Variants in NLGN1 observed in about 807,000 individuals in gnomAD.
The protein encoded by NLGN1 is neuroligin-1.
A neutral mutation model predicts 65.5 loss-of-function variants in NLGN1; 12 were observed. The observed-to-expected ratio is 0.18, with a 90% confidence interval of 0.12 to 0.30. The LOEUF is 0.30. NLGN1 is among the 10% of genes least tolerant of loss of function. The pLI is 1.00. For synonymous variants in NLGN1, 350 were observed against 359.5 expected, an observed-to-expected ratio of 0.97 and a Z score of 0.30; for missense variants, 750 against 1,007.1, an observed-to-expected ratio of 0.74 and a Z score of 3.46.
chr3:174,167,396 A>AG (rs1281521041), intron 4 of NLGN1, among the ~76,000 whole-genome samples: 3 of 152,116 alleles, frequency 2.0e-5, no homozygotes, highest in African/African-American at 7.2e-5. Flanking sequence ...AGTGGCAACA[A>AG]ATTCCCTTAG....
intron 1 of NLGN1, among the ~76,000 whole-genome samples, chr3:173,403,380 T>A (rs763442827): frequency 2.6e-5 from 4 of 152,164 alleles, no homozygotes; most frequent in Non-Finnish European, 4.4e-5. Context: ...CTCATCTATG[T>A]TTGTCATATG....
Position 174,082,532 on chromosome 3 carries a change from T to C in NLGN1, c.647-192783T>C, listed in dbSNP as rs1392730209. Reference sequence around the variant, plus strand: ...AATAATGGTAAAAAAGACTACATAATAGAGTTTAAGATATAATAGTAAATA... The same window carrying C: ...AATAATGGTAAAAAAGACTACATAACAGAGTTTAAGATATAATAGTAAATA... On this transcript the variant is annotated intron_variant, in intron 4 of 6. Coordinates refer to ENST00000457714, the Ensembl canonical transcript of NLGN1. Among the ~76,000 whole-genome samples, 3 of 151,762 alleles carry C rather than the reference T, an allele frequency of 2.0e-5. No individual in the cohort carries two copies. The East Asian group carries it at 5.8e-4, about 30-fold the overall frequency.
chr3:173,814,389 T>C (rs1718606860), intron 4 of NLGN1, among the ~76,000 whole-genome samples: 2 of 152,208 alleles, frequency 1.3e-5, no homozygotes, highest in South Asian at 4.1e-4. Context: ...TTAGATTGAG[T>C]ACTAAAATGA....
At chr3:174,159,117 G>A (rs1726023852) in intron 4 of NLGN1, among the ~76,000 whole-genome samples, 1 of 151,680 alleles carries the variant, frequency 6.6e-6, no homozygotes, top group Admixed American at 6.6e-5. Context: ...ACCCTCGGTA[G>A]TATTGCATCT....
intron 4 of NLGN1, among the ~76,000 whole-genome samples, chr3:173,992,212 A>G (rs975630793): frequency 5.9e-5 from 9 of 152,210 alleles, no homozygotes; most frequent in African/African-American, 2.2e-4. Flanking sequence ...TAATATATGT[A>G]TATTATTCAT....
chr3:173,770,494 CCT>C (rs1779417226), intron 3 of NLGN1, among the ~76,000 whole-genome samples: 1 of 151,988 alleles, frequency 6.6e-6, no homozygotes, highest in Non-Finnish European at 1.5e-5. Context: ...GTTGCTACCC[CCT>C]GATATTTTGC....
chr3:173,747,801 C>CTTCTTTTTTTT (rs1775714048), intron 3 of NLGN1, among the ~76,000 whole-genome samples: 3 of 64,422 alleles, frequency 4.7e-5, no homozygotes, highest in African/African-American at 1.9e-4. Flanking sequence ...TCTTCTTGTT[C>CTTCTTTTTTTT]TTTTTTTTTT....
chr3:173,629,560 T>C (rs1191295748), intron 3 of NLGN1, among the ~76,000 whole-genome samples: 1 of 152,196 alleles, frequency 6.6e-6, no homozygotes, highest in Non-Finnish European at 1.5e-5. Flanking sequence ...AGAAAAATTA[T>C]AAGTTATATT....
exon 7 of NLGN1, chr3:174,282,266 T>C (rs1010718259): frequency 6.6e-6 from 1 of 152,242 alleles, no homozygotes; most frequent in African/African-American, 2.4e-5. Context: ...TATAAGTTGC[T>C]GTGTTTTTTT....
intron 4 of NLGN1, among the ~76,000 whole-genome samples, chr3:173,953,496 G>A (rs1748616488): frequency 6.6e-6 from 1 of 152,148 alleles, no homozygotes; most frequent in Non-Finnish European, 1.5e-5. Context: ...ATGGTAGACA[G>A]TCCTGGACTG....
chr3:173,918,614 C>A (rs1741224018), intron 4 of NLGN1, among the ~76,000 whole-genome samples: 1 of 115,398 alleles, frequency 8.7e-6, no homozygotes, highest in Non-Finnish European at 1.7e-5. Context: ...GCCTGGGTGA[C>A]AGTGAGACTC....
intron 3 of NLGN1, among the ~76,000 whole-genome samples, chr3:173,779,207 A>T (rs898490498): frequency 1.3e-5 from 2 of 151,908 alleles, no homozygotes; most frequent in African/African-American, 4.8e-5. Context: ...TCAAAATTTT[A>T]TTTTAACACT....
At position 173,968,687 on chromosome 3, in the gene NLGN1, C is replaced by CTTTTTTTTTTTTT. The variant is rs34662762; in HGVS notation, c.646+160872_646+160884dup. On this transcript the variant is annotated intron_variant, in intron 4 of 6. Coordinates refer to ENST00000457714, the Ensembl canonical transcript of NLGN1. Reference sequence around the variant, plus strand: ...ACACCCCACAATTACTGAAAATAATCTTTTTTTTTTTTTTTTTTTTTTTTT... The same window carrying CTTTTTTTTTTTTT: ...ACACCCCACAATTACTGAAAATAATCTTTTTTTTTTTTTTTTTTTTTTTTTTTTTTTTTTTTTT... Among the ~76,000 whole-genome samples the CTTTTTTTTTTTTT allele has an allele frequency of 1.0e-4, 6 of 59,474 alleles. 1 individual carries two copies. Among genetic ancestry groups the CTTTTTTTTTTTTT allele is most frequent in the African/African-American group, 4.4e-4 (6 of 13,734 alleles). The allele number at this position is 59,474 out of a possible 152,430, so 39.0% of individuals were successfully genotyped here. A position where few individuals can be genotyped will look rare whatever the true frequency, so the allele number is the denominator to read the frequency against.
intron 3 of NLGN1, among the ~76,000 whole-genome samples, chr3:173,719,194 TGTTA>T (rs1770388667): frequency 6.6e-6 from 1 of 152,204 alleles, no homozygotes; most frequent in Non-Finnish European, 1.5e-5. Context: ...AATCAGTTAG[TGTTA>T]GTAAGACTTG....
intron 4 of NLGN1, among the ~76,000 whole-genome samples, chr3:173,889,858 A>G (rs1241869781): frequency 6.6e-6 from 1 of 152,024 alleles, no homozygotes; most frequent in African/African-American, 2.4e-5. Context: ...GTGAACTTCA[A>G]TCTTGAATGA....
intron 4 of NLGN1, among the ~76,000 whole-genome samples, chr3:174,071,660 T>C (rs925808036): frequency 8.0e-5 from 12 of 150,758 alleles, no homozygotes; most frequent in African/African-American, 2.9e-4. Flanking sequence ...GAGCCAAGAT[T>C]GTACCACTGC....
intron 3 of NLGN1, among the ~76,000 whole-genome samples, chr3:173,751,962 G>C (rs78763880): frequency 0.14 from 21,526 of 151,996 alleles, 1,800 homozygotes; most frequent in East Asian, 0.21. Flanking sequence ...TTCTGACTCT[G>C]AGGCCTGTGC....
chr3:174,171,388 T>TA (rs775735626), intron 4 of NLGN1, among the ~76,000 whole-genome samples: 19 of 152,250 alleles, frequency 1.2e-4, no homozygotes, highest in Non-Finnish European at 2.2e-4. Context: ...TTATTTCTAT[T>TA]ATTGTGAATA....
At chr3:174,289,943 G>GTATATATATGTGTATATATATATGTA (rs1553995070), downstream of NLGN1, among the ~76,000 whole-genome samples, 31 of 69,960 alleles carry the variant, frequency 4.4e-4, no homozygotes, top group East Asian at 0.017. Flanking sequence ...ATATATGTAT[G>GTATATATATGTGTATATATATATGTA]TATATATATG....
Sources: allele counts gnomAD v4.1 joint callset (sites outside exome capture counted in the v4.1 genomes callset), GRCh38; gene constraint gnomAD v4.1.1; transcripts MANE v1.5; gene names NCBI Gene and HGNC (gene_info 2026-07-23, HGNC 2026-07-21).